The following FBXL4 variants were observed in gnomAD, a reference collection of about 807,000 sequenced individuals.
FBXL4 encodes F-box and leucine rich repeat protein 4.
A neutral mutation model predicts 58.9 loss-of-function variants in FBXL4; 40 were observed. That is an observed-to-expected ratio of 0.68 (90% CI 0.53 to 0.88). The LOEUF is 0.88. FBXL4 is among the 40% of genes least tolerant of loss of function. The pLI is 0.00. For missense variants in FBXL4, 676 were observed against 734.4 expected (o/e 0.92, Z 0.92); for synonymous variants, 263 against 265.5 (o/e 0.99, Z 0.09).
intron 5 of FBXL4, among the ~76,000 whole-genome samples, chr6:98,911,263 C>A (rs1001945266): frequency 2.6e-5 from 4 of 152,190 alleles, no homozygotes; most frequent in Non-Finnish European, 5.9e-5. Flanking sequence ...CACAGACAAA[C>A]AAAAAGACAG....
intron 7 of FBXL4, among the ~76,000 whole-genome samples, chr6:98,893,392 C>A (rs1024967863): frequency 2.0e-5 from 3 of 147,336 alleles, no homozygotes; most frequent in African/African-American, 7.3e-5. Flanking sequence ...TGGCTTGTAG[C>A]GGGTCATCTT....
intron 5 of FBXL4, among the ~76,000 whole-genome samples, chr6:98,915,026 C>G (rs989513653): frequency 9.9e-5 from 15 of 152,134 alleles, no homozygotes; most frequent in African/African-American, 3.6e-4. Flanking sequence ...ACACCAATAA[C>G]AGACAAACAG....
In FBXL4 at chr6:98,917,781, G is replaced by T. The variant is rs991952518; in HGVS notation, c.513-62C>A. On this transcript the variant is annotated intron_variant, in intron 4 of 9. Coordinates refer to ENST00000369244, the MANE Select transcript of FBXL4 (RefSeq NM_001278716.2). ...GAATGAGATCTACTGGTCCCTTAAG[G>T]TTATAGACCCATGCCCAATATGTCA... is the stretch of plus-strand genomic sequence containing the variant. The T allele has an allele frequency of 2.4e-5, 29 of 1,222,448 alleles. No homozygotes were observed. In the Middle Eastern group the frequency reaches 6.0e-4, roughly 25 times the overall value. The allele number at this position is 1,222,448 out of a possible 1,614,324, so 75.7% of individuals were successfully genotyped here.
At chr6:98,906,882 A>G (rs1771835376) in intron 5 of FBXL4, among the ~76,000 whole-genome samples, 1 of 152,132 alleles carries the variant, frequency 6.6e-6, no homozygotes. Context: ...ATGAGATGGT[A>G]TCTCATTGTG....
At chr6:98,899,057 T>C (rs1031727884) in intron 7 of FBXL4, 1 of 985,378 alleles carries the variant, frequency 1.0e-6, no homozygotes, top group Non-Finnish European at 1.2e-6. Context: ...TTTAAGAGCA[T>C]AGAGAAGAAC....
intron 4 of FBXL4, among the ~76,000 whole-genome samples, chr6:98,923,782 T>C (rs1772673818): frequency 6.6e-6 from 1 of 152,178 alleles, no homozygotes; most frequent in Non-Finnish European, 1.5e-5. Flanking sequence ...TATAAAAAAT[T>C]CACCCAAATG....
intron 7 of FBXL4, chr6:98,897,183 T>A: frequency 2.0e-6 from 2 of 984,564 alleles, no homozygotes; most frequent in East Asian, 2.3e-4. Flanking sequence ...AAATCCTCCT[T>A]GCTCAGAGGA....
chr6:98,910,709 G>T (rs951786614), intron 5 of FBXL4, among the ~76,000 whole-genome samples: 1 of 151,914 alleles, frequency 6.6e-6, no homozygotes, highest in Admixed American at 6.6e-5. Context: ...CAAGATGGCC[G>T]AATAGGAACA....
chr6:98,919,377 A>G (rs1481492657), intron 4 of FBXL4, among the ~76,000 whole-genome samples: 1 of 152,196 alleles, frequency 6.6e-6, no homozygotes, highest in Non-Finnish European at 1.5e-5. Context: ...AAATGTAGGA[A>G]TAAAATCCAT....
In FBXL4 at chr6:98,927,197, G is replaced by T; in HGVS notation, c.-72-137C>A. ...AAAAAACAAGTTTTAAAATACAAAT[G>T]TGAAGTCTGGTATAAATAAATTTTC... On this transcript the variant is annotated intron_variant, in intron 3 of 9. Transcript: ENST00000369244. The T allele has an allele frequency of 6.2e-6, 3 of 486,366 alleles. No individual in the cohort carries two copies. In the South Asian group the frequency reaches 1.1e-4, roughly 19 times the overall value. The allele number at this position is 486,366 out of a possible 1,614,324, so 30.1% of individuals were successfully genotyped here.
intron 1 of FBXL4, among the ~76,000 whole-genome samples, chr6:98,944,231 CA>C (rs1161540952): frequency 2.0e-5 from 3 of 152,064 alleles, no homozygotes; most frequent in African/African-American, 7.2e-5. Flanking sequence ...GCAGAACTGG[CA>C]ACATAAATAT....
intron 1 of FBXL4, among the ~76,000 whole-genome samples, chr6:98,943,814 T>G (rs1409250218): frequency 1.3e-5 from 2 of 152,028 alleles, no homozygotes; most frequent in Admixed American, 6.5e-5. Flanking sequence ...CAATGTAGAC[T>G]CCCAGCCAAA....
intron 8 of FBXL4, among the ~76,000 whole-genome samples, chr6:98,878,256 A>G (rs1283871795): frequency 6.6e-6 from 1 of 152,264 alleles, no homozygotes; most frequent in Non-Finnish European, 1.5e-5. Context: ...AGTCAACAAT[A>G]AAATGTAATA....
chr6:98,921,038 C>A (rs1201249309), intron 4 of FBXL4, among the ~76,000 whole-genome samples: 1 of 152,130 alleles, frequency 6.6e-6, no homozygotes, highest in Non-Finnish European at 1.5e-5. Flanking sequence ...TATTTTAAAT[C>A]TCAAGTATCA....
intron 1 of FBXL4, among the ~76,000 whole-genome samples, chr6:98,935,515 C>T (rs1029871593): frequency 2.4e-4 from 37 of 151,992 alleles, no homozygotes; most frequent in African/African-American, 8.7e-4. Flanking sequence ...CTGGGCCGGG[C>T]GCGGTGGCTC....
chr6:98,875,579 C>G lies in FBXL4; in HGVS notation c.1538G>C (p.Gly513Ala). The change falls in exon 9 of 10, where the codon GGC becomes GCC. Residue 513 changes from glycine (G) to alanine (A), a missense_variant. By Grantham distance (60) the Gly-to-Ala change is moderately conservative. Transcript: ENST00000369244. ...GCTGCTCTGCAGAGTTGGGCACCAGCCAAGGTCAAGCTCCTCCAGTAGTGG... is the reference window on the plus strand; with the variant it reads ...GCTGCTCTGCAGAGTTGGGCACCAGGCAAGGTCAAGCTCCTCCAGTAGTGG... ...GCPLLEELDL[G>A]WCPTLQSSTG... The G allele has an allele frequency of 6.2e-7, 1 of 1,614,102 alleles. No homozygotes were observed. Among genetic ancestry groups the G allele is most frequent in the African/African-American group, 1.3e-5 (1 of 75,018 alleles).
At chr6:98,946,638 T>C (rs1426555416) in intron 1 of FBXL4, among the ~76,000 whole-genome samples, 2 of 152,254 alleles carry the variant, frequency 1.3e-5, no homozygotes, top group Non-Finnish European at 2.9e-5. Context: ...TTGACTTATC[T>C]GATTTTCAAA....
intron 7 of FBXL4, chr6:98,896,810 A>G: frequency 2.0e-6 from 2 of 980,362 alleles, no homozygotes; most frequent in Non-Finnish European, 2.4e-6. Flanking sequence ...GGGAAACCAG[A>G]GCTTATGCTA....
intron 7 of FBXL4, among the ~76,000 whole-genome samples, chr6:98,891,888 T>C (rs552919887): frequency 5.3e-4 from 81 of 152,300 alleles, no homozygotes; most frequent in South Asian, 4.6e-3. Context: ...ACCTGGCTTA[T>C]TGGTCACTGT....
Sources: allele counts gnomAD v4.1 joint callset (sites outside exome capture counted in the v4.1 genomes callset), GRCh38; gene constraint gnomAD v4.1.1; transcripts MANE v1.5; gene names NCBI Gene and HGNC (gene_info 2026-07-23, HGNC 2026-07-21).